The following VTI1A variants were observed in gnomAD, a reference collection of about 807,000 sequenced individuals.
VTI1A encodes the protein vesicle transport through interaction with t-SNAREs homolog 1A.
VTI1A carries 22 observed loss-of-function variants against 34.9 expected under a neutral mutation model. The observed-to-expected ratio is 0.63, with a 90% CI of 0.45 to 0.90. VTI1A has a LOEUF of 0.90. VTI1A is among the 40% of genes least tolerant of loss of function. The pLI is 0.00. For missense variants in VTI1A, 268 were observed against 275.6 expected, an observed-to-expected ratio of 0.97 and a Z score of 0.20; for synonymous variants, 87 against 97.3, an observed-to-expected ratio of 0.89 and a Z score of 0.62.
chr10:112,727,417 C>T (rs1398969135), intron 7 of VTI1A, among the ~76,000 whole-genome samples: 1 of 133,634 alleles, frequency 7.5e-6, no homozygotes, highest in African/African-American at 3.5e-5. Context: ...CCTAATGATA[C>T]CCTGCAGGGA....
intron 5 of VTI1A, among the ~76,000 whole-genome samples, chr10:112,597,497 C>T (rs1844702359): frequency 6.6e-6 from 1 of 152,120 alleles, no homozygotes; most frequent in South Asian, 2.1e-4. Context: ...GGATTACTGG[C>T]GTGAGCCACC....
intron 3 of VTI1A, among the ~76,000 whole-genome samples, chr10:112,500,782 T>G (rs1318980889): frequency 6.6e-6 from 1 of 152,198 alleles, no homozygotes; most frequent in East Asian, 1.9e-4. Context: ...ATTCTTTTCC[T>G]TTCACCCTTT....
At chr10:112,797,780 T>C (rs1564929528) in intron 7 of VTI1A, among the ~76,000 whole-genome samples, 1 of 152,184 alleles carries the variant, frequency 6.6e-6, no homozygotes, top group East Asian at 1.9e-4. Context: ...AGCATTTACC[T>C]AAATATATGC....
intron 3 of VTI1A, among the ~76,000 whole-genome samples, chr10:112,496,840 GT>G (rs543034091): frequency 2.3e-4 from 35 of 152,116 alleles, no homozygotes; most frequent in Admixed American, 1.8e-3. Flanking sequence ...TTTCAGCAGA[GT>G]TTTTTTTATA....
chr10:112,466,748 TATGA>T (rs1331235560), intron 3 of VTI1A, among the ~76,000 whole-genome samples: 4 of 152,156 alleles, frequency 2.6e-5, no homozygotes, highest in Non-Finnish European at 5.9e-5. Flanking sequence ...AAACAAAGGG[TATGA>T]ATTTGCTAGG....
chr10:112,806,945 G>A (rs1853106313), intron 7 of VTI1A, among the ~76,000 whole-genome samples: 1 of 152,126 alleles, frequency 6.6e-6, no homozygotes, highest in Admixed American at 6.6e-5. Context: ...TGAGTGTTGT[G>A]GCACATGCCC....
chr10:112,709,270 G>A (rs1262679003), intron 7 of VTI1A, among the ~76,000 whole-genome samples: 1 of 152,138 alleles, frequency 6.6e-6, no homozygotes, highest in Non-Finnish European at 1.5e-5. Context: ...CTCAGAAAAG[G>A]GACAGAAAGT....
At chr10:112,516,852 A>G (rs972701089) in intron 3 of VTI1A, among the ~76,000 whole-genome samples, 9 of 152,090 alleles carry the variant, frequency 5.9e-5, no homozygotes, top group African/African-American at 1.9e-4. Flanking sequence ...TGGTTATACT[A>G]TCCATCATTA....
chr10:112,769,394 A>G (rs1267562047), intron 7 of VTI1A, among the ~76,000 whole-genome samples: 1 of 152,158 alleles, frequency 6.6e-6, no homozygotes, highest in South Asian at 2.1e-4. Flanking sequence ...TGCAGGGTCT[A>G]TTTACCTCTC....
At chr10:112,693,383 C>T (rs749053220) in intron 7 of VTI1A, among the ~76,000 whole-genome samples, 49 of 152,164 alleles carry the variant, frequency 3.2e-4, no homozygotes, top group Non-Finnish European at 6.3e-4. Context: ...CCCATCTCTA[C>T]TAAAAATACA....
chr10:112,696,854 G>C (rs143092481), intron 7 of VTI1A, among the ~76,000 whole-genome samples: 1 of 152,290 alleles, frequency 6.6e-6, no homozygotes, highest in African/African-American at 2.4e-5. Flanking sequence ...AGTGACACAA[G>C]TGAACAGGAA....
At chr10:112,645,549 C>T (rs1390834424) in intron 5 of VTI1A, among the ~76,000 whole-genome samples, 1 of 152,200 alleles carries the variant, frequency 6.6e-6, no homozygotes, top group Non-Finnish European at 1.5e-5. Flanking sequence ...CTTGAACTTC[C>T]TGCTTGTGTA....
chr10:112,846,696 G>A, the VTI1A span, among the ~76,000 whole-genome samples: 2 of 151,656 alleles, frequency 1.3e-5, no homozygotes, highest in South Asian at 4.2e-4. Context: ...AACCCAGGAG[G>A]CGGAGCTTGC....
chr10:112,736,672 A>G lies in VTI1A; in HGVS notation c.560+67674A>G, dbSNP rs943630303. The stretch of plus-strand genomic sequence containing the variant: ...AGTATACAAACTAGTGCATTTAGCA[A>G]TGAGGGATGGTGAGAAATGCTACAT... On this transcript the variant is annotated intron_variant, in intron 7 of 7. Transcript: ENST00000393077. 5 of 1,550,824 alleles carry G rather than the reference A, an allele frequency of 3.2e-6. No homozygotes were observed. In the African/African-American group the frequency reaches 5.5e-5, roughly 17 times the overall value.
the VTI1A span, among the ~76,000 whole-genome samples, chr10:112,841,633 C>G: frequency 6.6e-6 from 1 of 152,152 alleles, no homozygotes; most frequent in South Asian, 2.1e-4. Context: ...GCTGTCATCA[C>G]AAAATAGAAA....
At chr10:112,544,422 G>T (rs1419447747) in intron 5 of VTI1A, among the ~76,000 whole-genome samples, 3 of 152,016 alleles carry the variant, frequency 2.0e-5, no homozygotes, top group Non-Finnish European at 4.4e-5. Flanking sequence ...TAGAGACAGG[G>T]TTTCACCATG....
intron 7 of VTI1A, chr10:112,737,594 A>C: frequency 9.5e-7 from 1 of 1,048,380 alleles, no homozygotes; most frequent in South Asian, 4.6e-5. Flanking sequence ...GTAAGGTCTT[A>C]GTCCAGCTCT....
intron 7 of VTI1A, among the ~76,000 whole-genome samples, chr10:112,692,350 T>C (rs116563886): frequency 0.012 from 1,841 of 152,316 alleles, 42 homozygotes; most frequent in African/African-American, 0.042. Context: ...CTGTCTGCTC[T>C]TTCTGGAAGC....
chr10:112,792,945 A>G (rs376828925), intron 7 of VTI1A, among the ~76,000 whole-genome samples: 1 of 152,204 alleles, frequency 6.6e-6, no homozygotes, highest in African/African-American at 2.4e-5. Flanking sequence ...TGTTTAGCAC[A>G]TATTTCATCA....
Sources: gnomAD v4.1 joint callset for allele counts (sites outside exome capture counted in the v4.1 genomes callset) on GRCh38, gnomAD v4.1.1 for gene constraint, MANE v1.5 for transcripts, NCBI Gene and HGNC (gene_info 2026-07-23, HGNC 2026-07-21) for gene names.